The following OTUD7A variants were observed in gnomAD, a reference collection of about 807,000 sequenced individuals.
OTUD7A encodes OTU domain-containing protein 7A.
A neutral mutation model predicts 65.7 loss-of-function variants in OTUD7A; 12 were observed. That is an observed-to-expected ratio of 0.18 (90% CI 0.12 to 0.30). The LOEUF is 0.30. Ranked by LOEUF, OTUD7A falls within the 10% of genes least tolerant of loss-of-function variation. The pLI, the probability that OTUD7A is intolerant of heterozygous loss-of-function variation, is 1.00. For synonymous variants in OTUD7A, 641 were observed against 586.3 expected, an observed-to-expected ratio of 1.09 and a Z score of -1.35; for missense variants, 1,148 against 1,304.8, an observed-to-expected ratio of 0.88 and a Z score of 1.85.
Position 31,483,837 on chromosome 15 carries a change from C to A in OTUD7A, c.2259G>T (p.Gly753=). ...TGGCGCTCGCACGCCGCGCGCCTCC[C>A]CCCGGGGAGGCCGTGCCGCCCGCCG... is the stretch of plus-strand genomic sequence containing the variant. ...RAAAGGTASP[G]GGARRASASG... is the part of the protein sequence containing the mutation. The change falls in exon 13 of 13, where the codon GGG becomes GGT. Residue 753 remains glycine (G), a synonymous_variant. Transcript: ENST00000307050. The A allele has an allele frequency of 1.0e-6, 1 of 986,456 alleles. No homozygotes were observed. The highest frequency in any genetic ancestry group is 1.2e-6 in the Non-Finnish European group (1 of 831,882). 61.1% of individuals were successfully genotyped at this position (986,456 alleles called of 1,614,324 possible). A position where few individuals can be genotyped will look rare whatever the true frequency, so the allele number is the denominator to read the frequency against.
chr15:31,517,868 G>C (rs2041880825), intron 8 of OTUD7A, among the ~76,000 whole-genome samples: 2 of 152,120 alleles, frequency 1.3e-5, no homozygotes, highest in Admixed American at 1.3e-4. Context: ...ACCATCCTTG[G>C]AGACCATCCT....
At chr15:31,790,392 T>C (rs1011534423) in intron 1 of OTUD7A, among the ~76,000 whole-genome samples, 1 of 152,194 alleles carries the variant, frequency 6.6e-6, no homozygotes, top group Non-Finnish European at 1.5e-5. Flanking sequence ...AAAACCTTCA[T>C]GTTATGAGAA....
chr15:31,773,024 A>C (rs1022298808), intron 1 of OTUD7A, among the ~76,000 whole-genome samples: 1 of 152,240 alleles, frequency 6.6e-6, no homozygotes, highest in Non-Finnish European at 1.5e-5. Context: ...TGGCTAATAT[A>C]ATTACAGATA....
chr15:31,501,587 G>A, intron 10 of OTUD7A, 103 bp downstream of exon 10: 1 of 1,455,294 alleles, frequency 6.9e-7, no homozygotes, highest in South Asian at 1.2e-5. Flanking sequence ...GTGCTTCTAA[G>A]GGGGGGTCTC....
At chr15:31,806,559 G>T (rs1443069290) in intron 1 of OTUD7A, among the ~76,000 whole-genome samples, 1 of 152,182 alleles carries the variant, frequency 6.6e-6, no homozygotes. Context: ...GGAGGGTCTA[G>T]TGGGTTGCTG....
rs200220584 is a variant in OTUD7A at position 31,487,588 on chromosome 15, C to A, written c.1172-22G>T. On this transcript the variant is annotated intron_variant, in intron 10 of 12. Transcript: ENST00000307050. The surrounding 1 kb of genome is among the most constrained non-coding windows in gnomAD (Gnocchi z 6.0). Reference sequence around the variant, plus strand: ...ACGGCTGGAACAGAAGAGACAGAGCCGTGCTTGGAGCCCCGGCAGTCCCCA... The same window carrying A: ...ACGGCTGGAACAGAAGAGACAGAGCAGTGCTTGGAGCCCCGGCAGTCCCCA... The A allele has an allele frequency of 5.0e-6, 8 of 1,598,932 alleles. No individual in the cohort carries two copies. In the African/African-American group the frequency reaches 9.4e-5, roughly 19 times the overall value.
chr15:31,496,751 G>A (rs954092637), intron 10 of OTUD7A, among the ~76,000 whole-genome samples: 4 of 152,190 alleles, frequency 2.6e-5, no homozygotes, highest in African/African-American at 9.6e-5. Flanking sequence ...ATTTAACCAC[G>A]AGCCATACAT....
chr15:31,826,552 C>T (rs1423227211), intron 1 of OTUD7A, among the ~76,000 whole-genome samples: 1 of 152,206 alleles, frequency 6.6e-6, no homozygotes, highest in East Asian at 1.9e-4. Flanking sequence ...ATCTGACATG[C>T]CCTGGAAACA....
chr15:31,478,382 A>G lies in OTUD7A; in HGVS notation c.*4912T>C, dbSNP rs937140161. On this transcript the variant is annotated 3_prime_UTR_variant, in exon 13 of 13. Coordinates refer to ENST00000307050, the MANE Select transcript of OTUD7A (RefSeq NM_001382637.1). The stretch of plus-strand genomic sequence containing the variant: ...TATCCTTGATATGCTCTTTGGGAGG[A>G]ATAAAAAGATGCAAGCAATGTGCAT... 5 of 152,214 alleles carry G rather than the reference A, an allele frequency of 3.3e-5. No homozygotes were observed. Among genetic ancestry groups the G allele is most frequent in the African/African-American group, 1.2e-4 (5 of 41,442 alleles). 9.4% of individuals were successfully genotyped at this position (152,214 alleles called of 1,614,324 possible). A position where few individuals can be genotyped will look rare whatever the true frequency, so the allele number is the denominator to read the frequency against.
At chr15:31,715,558 A>G (rs985886755) in intron 1 of OTUD7A, among the ~76,000 whole-genome samples, 3 of 148,554 alleles carry the variant, frequency 2.0e-5, no homozygotes, top group African/African-American at 7.7e-5. Context: ...ATTGTCTGTA[A>G]TAACACTACA....
intron 1 of OTUD7A, chr15:31,766,701 T>C: frequency 2.5e-6 from 4 of 1,608,984 alleles, no homozygotes; most frequent in Non-Finnish European, 3.4e-6. Flanking sequence ...ACAACTCCTC[T>C]TGGTCTTGAA....
At chr15:31,786,160 G>T (rs1315105959) in intron 1 of OTUD7A, among the ~76,000 whole-genome samples, 2 of 152,162 alleles carry the variant, frequency 1.3e-5, no homozygotes, top group Non-Finnish European at 2.9e-5. Context: ...GGCCTCACCA[G>T]ATGCAGCTCT....
intron 1 of OTUD7A, among the ~76,000 whole-genome samples, chr15:31,703,146 C>T (rs886557529): frequency 6.6e-6 from 1 of 151,852 alleles, no homozygotes; most frequent in Non-Finnish European, 1.5e-5. Context: ...TATAAGACTA[C>T]AAAACTTTTT....
intron 3 of OTUD7A, among the ~76,000 whole-genome samples, chr15:31,631,852 C>G (rs1229137812): frequency 6.6e-6 from 1 of 152,210 alleles, no homozygotes; most frequent in Non-Finnish European, 1.5e-5. Flanking sequence ...TCTTCCATCA[C>G]TGATACCCTT....
intron 9 of OTUD7A, among the ~76,000 whole-genome samples, chr15:31,502,381 A>G (rs1406722776): frequency 6.6e-6 from 1 of 152,196 alleles, no homozygotes; most frequent in Non-Finnish European, 1.5e-5. Flanking sequence ...AGAGGGCAGA[A>G]AAGCCTAACA....
At chr15:31,748,014 G>C (rs988458734) in intron 1 of OTUD7A, among the ~76,000 whole-genome samples, 9 of 152,100 alleles carry the variant, frequency 5.9e-5, no homozygotes, top group African/African-American at 2.2e-4. Flanking sequence ...AAAGGCTTAG[G>C]ATCTGCTCCA....
At chr15:31,660,355 G>A (rs1892127981) in intron 1 of OTUD7A, among the ~76,000 whole-genome samples, 1 of 152,200 alleles carries the variant, frequency 6.6e-6, no homozygotes, top group African/African-American at 2.4e-5. Flanking sequence ...TTGGGCAAGC[G>A]TGGTGCACTA....
chr15:31,553,342 C>T (rs1322561854), intron 5 of OTUD7A, among the ~76,000 whole-genome samples: 1 of 152,096 alleles, frequency 6.6e-6, no homozygotes, highest in Non-Finnish European at 1.5e-5. Context: ...ATGCTCCAGA[C>T]AAGTGTGTCC....
chr15:31,536,298 C>A (rs1029046715), intron 5 of OTUD7A, among the ~76,000 whole-genome samples: 2 of 152,210 alleles, frequency 1.3e-5, no homozygotes, highest in African/African-American at 4.8e-5. Context: ...TCTTACATGT[C>A]ACTTCTTGGA....
Sources: allele counts gnomAD v4.1 joint callset (sites outside exome capture counted in the v4.1 genomes callset), GRCh38; gene constraint gnomAD v4.1.1; non-coding constraint Gnocchi (gnomAD v3.1); transcripts MANE v1.5; gene names NCBI Gene and HGNC (gene_info 2026-07-23, HGNC 2026-07-21).